LINGO2: variants seen among roughly 807,000 people sequenced by gnomAD.
The protein encoded by LINGO2 is leucine rich repeat and Ig domain containing 2.
LINGO2 carries 14 observed loss-of-function variants against 30.6 expected under a neutral mutation model. The ratio of observed to expected loss-of-function variants is 0.46; its 90% CI spans 0.30 to 0.72. The LOEUF (loss-of-function observed/expected upper bound fraction) is 0.72. Ranked by LOEUF, LINGO2 falls within the 30% of genes least tolerant of loss-of-function variation. The pLI is 0.07. For synonymous variants in LINGO2, 317 were observed against 288.5 expected (o/e 1.10, Z -1.00); for missense variants, 729 against 751.7 (o/e 0.97, Z 0.35).
intron 1 of LINGO2, among the ~76,000 whole-genome samples, chr9:28,641,158 C>T (rs1411449461): frequency 1.3e-5 from 2 of 151,954 alleles, no homozygotes; most frequent in Non-Finnish European, 2.9e-5. Context: ...CTCAGTCTCC[C>T]GAGTAGCTGG....
intron 3 of LINGO2, among the ~76,000 whole-genome samples, chr9:28,324,866 T>A (rs1353706039): frequency 6.6e-6 from 1 of 152,292 alleles, no homozygotes; most frequent in Middle Eastern, 3.4e-3. Flanking sequence ...TTCTTTTATT[T>A]CTTTACTTCT....
At chr9:27,943,767 C>T (rs1053886989), downstream of LINGO2, 1 of 152,154 alleles carries the variant, frequency 6.6e-6, no homozygotes, top group African/African-American at 2.4e-5. Flanking sequence ...AGTGAAGGAT[C>T]ATTTCAATTG....
the LINGO2 span, among the ~76,000 whole-genome samples, chr9:28,932,184 T>G: frequency 1.4e-5 from 2 of 142,064 alleles, no homozygotes; most frequent in African/African-American, 5.3e-5. Flanking sequence ...GGGGGGATCT[T>G]GGCAATATGA....
the LINGO2 span, among the ~76,000 whole-genome samples, chr9:29,114,009 T>C: frequency 1.3e-5 from 2 of 151,676 alleles, no homozygotes; most frequent in African/African-American, 4.8e-5. Context: ...ACAACAACAA[T>C]GCTCCTGCTC....
At chr9:28,063,182 T>C (rs1385596398) in intron 4 of LINGO2, among the ~76,000 whole-genome samples, 3 of 152,116 alleles carry the variant, frequency 2.0e-5, no homozygotes, top group Non-Finnish European at 4.4e-5. Flanking sequence ...ATACTTTCTT[T>C]TAGTTTGTGT....
At chr9:28,296,294 C>CAAAAACTTTTTTTAAG (rs1823917923) in intron 3 of LINGO2, among the ~76,000 whole-genome samples, 1 of 152,102 alleles carries the variant, frequency 6.6e-6, no homozygotes, top group African/African-American at 2.4e-5. Flanking sequence ...CTGGTCTTCC[C>CAAAAACTTTTTTTAAG]AGGGTAGCTC....
At chr9:29,092,113 C>T in the LINGO2 span, among the ~76,000 whole-genome samples, 7,218 of 151,968 alleles carry the variant, frequency 0.047, 226 homozygotes, top group Non-Finnish European at 0.074. Flanking sequence ...AGAATCTGTG[C>T]CTTAGTTGTA....
the LINGO2 span, among the ~76,000 whole-genome samples, chr9:28,836,205 G>A: frequency 1.6e-4 from 24 of 152,260 alleles, no homozygotes; most frequent in South Asian, 1.0e-3. Flanking sequence ...TGTGACTGAC[G>A]GGAAATGTTC....
chr9:29,100,184 TGAACTCGTG>T, the LINGO2 span, among the ~76,000 whole-genome samples: 1 of 152,122 alleles, frequency 6.6e-6, no homozygotes, highest in African/African-American at 2.4e-5. Context: ...ATAAAACAGT[TGAACTCGTG>T]GATATAGAGA....
chr9:27,985,808 G>A (rs1236564007), intron 5 of LINGO2, among the ~76,000 whole-genome samples: 1 of 125,080 alleles, frequency 8.0e-6, no homozygotes, highest in Non-Finnish European at 1.7e-5. Context: ...GAAGAAAGGT[G>A]AATGAAGATA....
At position 28,037,160 on chromosome 9, in the gene LINGO2, C is replaced by A. The variant is rs192328007; in HGVS notation, c.-86-24755G>T. 2.0e-5 allele frequency among the ~76,000 whole-genome samples: 3 copies of A among 152,256 alleles called. No individual in the cohort carries two copies. In the East Asian group the frequency reaches 5.8e-4, roughly 29 times the overall value. On this transcript the variant is annotated intron_variant, in intron 4 of 5. Transcript: ENST00000379992. ...CGGAAGTATGGGTGGAATAAAATAA[C>A]CACATAATCACAACCTGTGTCTACT...
At chr9:28,615,581 T>A (rs2135802452) in intron 1 of LINGO2, among the ~76,000 whole-genome samples, 1 of 152,224 alleles carries the variant, frequency 6.6e-6, no homozygotes, top group Admixed American at 6.5e-5. Flanking sequence ...ACATACTATA[T>A]AACAATAGCA....
intron 1 of LINGO2, among the ~76,000 whole-genome samples, chr9:28,588,475 A>G (rs1165497156): frequency 2.0e-5 from 3 of 151,886 alleles, no homozygotes; most frequent in South Asian, 2.1e-4. Context: ...GTCCTATACC[A>G]TAAGTGTAAT....
chr9:28,019,273 TAA>T (rs61388318), intron 4 of LINGO2, among the ~76,000 whole-genome samples: 5 of 145,614 alleles, frequency 3.4e-5, no homozygotes, highest in South Asian at 2.1e-4. Flanking sequence ...ACCTAAAACT[TAA>T]AAAAAAAAAT....
the LINGO2 span, among the ~76,000 whole-genome samples, chr9:28,888,642 A>G: frequency 6.6e-6 from 1 of 152,184 alleles, no homozygotes; most frequent in Non-Finnish European, 1.5e-5. Flanking sequence ...CAAAGATAAG[A>G]TCAGGACTAT....
At chr9:27,956,425 TG>T (rs1345487829) in intron 5 of LINGO2, among the ~76,000 whole-genome samples, 1 of 152,216 alleles carries the variant, frequency 6.6e-6, no homozygotes, top group Admixed American at 6.5e-5. Flanking sequence ...GAGATATAAA[TG>T]TTATGTATAT....
At chr9:28,822,444 G>C in the LINGO2 span, among the ~76,000 whole-genome samples, 1 of 152,192 alleles carries the variant, frequency 6.6e-6, no homozygotes, top group African/African-American at 2.4e-5. Flanking sequence ...ATGGATTGAA[G>C]GATGCAAAGT....
At chr9:29,116,470 G>A in the LINGO2 span, among the ~76,000 whole-genome samples, 48 of 151,800 alleles carry the variant, frequency 3.2e-4, no homozygotes, top group Admixed American at 2.1e-3. Flanking sequence ...TTAAAAAATG[G>A]AATGTAAATA....
the LINGO2 span, among the ~76,000 whole-genome samples, chr9:29,123,829 G>C: frequency 6.6e-6 from 1 of 152,052 alleles, no homozygotes; most frequent in African/African-American, 2.4e-5. Context: ...GTGGGGTTCT[G>C]TTATCCTGTG....
Sources: gnomAD v4.1 joint callset for allele counts (sites outside exome capture counted in the v4.1 genomes callset) on GRCh38, gnomAD v4.1.1 for gene constraint, MANE v1.5 for transcripts, NCBI Gene and HGNC (gene_info 2026-07-23, HGNC 2026-07-21) for gene names.